VAV2: variants seen among roughly 807,000 people sequenced by gnomAD.
The protein encoded by VAV2 is guanine nucleotide exchange factor VAV2.
In VAV2, 67 loss-of-function variants were observed where a neutral mutation model predicts 132.5. That is an observed-to-expected ratio of 0.51 (90% CI 0.42 to 0.62). The LOEUF is 0.62. Ranked by LOEUF, VAV2 falls within the 20% of genes least tolerant of loss-of-function variation. The probability of loss-of-function intolerance (pLI) is 0.00; values close to 1 mark genes in which losing one functional copy is unlikely to be tolerated. For synonymous variants in VAV2, 492 were observed against 443.5 expected (o/e 1.11, Z -1.37); for missense variants, 938 against 1,153.6 (o/e 0.81, Z 2.71).
intron 2 of VAV2, among the ~76,000 whole-genome samples, chr9:133,921,890 T>C (rs1840308726): frequency 6.6e-6 from 1 of 152,228 alleles, no homozygotes; most frequent in Non-Finnish European, 1.5e-5. Flanking sequence ...GCGAGTGTGG[T>C]TCTGATCGTG....
At chr9:133,828,717 T>G (rs1205401462) in intron 4 of VAV2, among the ~76,000 whole-genome samples, 1 of 152,208 alleles carries the variant, frequency 6.6e-6, no homozygotes, top group Non-Finnish European at 1.5e-5. Flanking sequence ...CTTCCACAAT[T>G]CTGATTCGTT....
Position 133,961,826 on chromosome 9 carries a change from G to A in VAV2, c.205-22607C>T, listed in dbSNP as rs1187111405. On this transcript the variant is annotated intron_variant, in intron 1 of 29. Transcript: ENST00000371850. This position sits in a 1 kb window ranked among gnomAD's most constrained non-coding sequence, Gnocchi z 4.1. ...GCCCACAGGAGCAGAGTGGCCCCTC[G>A]TTCTGGTGGCCACGCAGGCCTAGGC... Among the ~76,000 whole-genome samples, 1 of 152,112 alleles carries A rather than the reference G, an allele frequency of 6.6e-6. No homozygotes were observed. The highest frequency in any genetic ancestry group is 2.4e-5 in the African/African-American group (1 of 41,406).
intron 2 of VAV2, among the ~76,000 whole-genome samples, chr9:133,874,686 C>G (rs989885729): frequency 1.3e-5 from 2 of 152,268 alleles, no homozygotes; most frequent in East Asian, 3.9e-4. Flanking sequence ...TGTCTTGCCC[C>G]CTCCAAGAAC....
intron 29 of VAV2, among the ~76,000 whole-genome samples, chr9:133,766,759 A>AATATATAC (rs1554767607): frequency 8.9e-6 from 1 of 112,110 alleles, no homozygotes; most frequent in Non-Finnish European, 1.8e-5. Flanking sequence ...AGTATAAATA[A>AATATATAC]ATATATATAT....
rs756495950 is a variant in VAV2 at position 133,809,004 on chromosome 9, C to T, written c.666+36G>A. 7.5e-6 allele frequency: 12 copies of T among 1,594,148 alleles called. No individual in the cohort carries two copies. The African/African-American group carries it at 8.1e-5, about 11-fold the overall frequency. ...GTGGCCCTGCAGTGACCACAGTGGC[C>T]GCTGCCATTTTCCAGTGGCCGCCAT... On this transcript the variant is annotated intron_variant, in intron 7 of 29. Coordinates refer to ENST00000371850, the MANE Select transcript of VAV2 (RefSeq NM_001134398.2).
chr9:133,866,552 C>T (rs1343079656), intron 2 of VAV2, among the ~76,000 whole-genome samples: 1 of 152,000 alleles, frequency 6.6e-6, no homozygotes, highest in Non-Finnish European at 1.5e-5. Context: ...GCCTGTAATC[C>T]CAGCACTTTG....
chr9:133,848,665 C>A (rs1278641199), intron 3 of VAV2, among the ~76,000 whole-genome samples: 1 of 152,150 alleles, frequency 6.6e-6, no homozygotes, highest in African/African-American at 2.4e-5. Flanking sequence ...CAGGCACGGG[C>A]CCCTGGGAAC....
intron 4 of VAV2, among the ~76,000 whole-genome samples, chr9:133,827,178 C>T (rs115844954): frequency 0.042 from 6,066 of 144,598 alleles, 255 homozygotes; most frequent in African/African-American, 0.15. Flanking sequence ...CCTACCGCTG[C>T]GCCCACTGGG....
chr9:133,952,602 C>CG (rs375054619), intron 1 of VAV2, among the ~76,000 whole-genome samples: 12 of 125,278 alleles, frequency 9.6e-5, no homozygotes, highest in Non-Finnish European at 1.8e-4. Context: ...GACTCTGTCT[C>CG]GGGGAAAAAA....
At position 133,919,693 on chromosome 9, in the gene VAV2, C is replaced by T. The variant is rs567300984; in HGVS notation, c.321+19410G>A. On this transcript the variant is annotated intron_variant, in intron 2 of 29. Transcript: ENST00000371850. The surrounding 1 kb of genome is among the most constrained non-coding windows in gnomAD (Gnocchi z 5.8). Reference sequence around the variant, plus strand: ...GTCTCAGATCAGAGAGGAATGTAAGCCGGAAACAGCGCAGAGAGTGGGGCC... The same window carrying T: ...GTCTCAGATCAGAGAGGAATGTAAGTCGGAAACAGCGCAGAGAGTGGGGCC... Among the ~76,000 whole-genome samples the T allele has an allele frequency of 1.3e-5, 2 of 152,288 alleles. No homozygotes were observed. Among genetic ancestry groups the T allele is most frequent in the East Asian group, 3.9e-4 (2 of 5,182 alleles).
chr9:133,865,220 GC>G (rs1489118286), intron 2 of VAV2, among the ~76,000 whole-genome samples: 2 of 152,264 alleles, frequency 1.3e-5, no homozygotes, highest in East Asian at 3.9e-4. Context: ...TCAAGACAGG[GC>G]CAGGAAGAAA....
At chr9:133,900,190 C>T (rs1183290708) in intron 2 of VAV2, among the ~76,000 whole-genome samples, 1 of 149,062 alleles carries the variant, frequency 6.7e-6, no homozygotes, top group Non-Finnish European at 1.5e-5. Flanking sequence ...CAGAGTAAGA[C>T]CCTGTCTCAA....
chr9:133,812,109 C>A lies in VAV2; in HGVS notation c.552+5G>T. On this transcript the variant is annotated splice_donor_5th_base_variant and intron_variant, in intron 5 of 29. Coordinates refer to ENST00000371850, the MANE Select transcript of VAV2 (RefSeq NM_001134398.2). The stretch of plus-strand genomic sequence containing the variant: ...GAAGGGAGGGAGGAGCGGGGCAGGG[C>A]TCACCATGGGCTGCTGCACCTCCAC... 3 of 1,613,678 alleles carry A rather than the reference C, an allele frequency of 1.9e-6. No individual in the cohort carries two copies. The highest frequency in any genetic ancestry group is 2.5e-6 in the Non-Finnish European group (3 of 1,179,854).
rs1554819007 is a variant in VAV2 at position 133,964,031 on chromosome 9, A to ATG, written c.205-24813_205-24812insCA. On this transcript the variant is annotated intron_variant, in intron 1 of 29. Coordinates refer to ENST00000371850, the MANE Select transcript of VAV2 (RefSeq NM_001134398.2). ...AAAAAAATTATTCATTCATATATAT[A>ATG]TATATATATATATATATACATATAT... is the stretch of plus-strand genomic sequence containing the variant. Among the ~76,000 whole-genome samples, 515 of 94,988 alleles carry ATG rather than the reference A, an allele frequency of 5.4e-3. 19 individuals are homozygous for ATG. Among genetic ancestry groups the ATG allele is most frequent in the Middle Eastern group, 0.043 (9 of 208 alleles). The allele number at this position is 94,988 out of a possible 152,430, so 62.3% of individuals were successfully genotyped here.
chr9:133,922,224 C>A (rs1840322241), intron 2 of VAV2, among the ~76,000 whole-genome samples: 1 of 152,240 alleles, frequency 6.6e-6, no homozygotes, highest in Non-Finnish European at 1.5e-5. Context: ...CCCTGCCCTG[C>A]AGAAGTCCTC....
intron 3 of VAV2, among the ~76,000 whole-genome samples, chr9:133,845,567 T>C (rs916330410): frequency 2.0e-5 from 3 of 152,158 alleles, no homozygotes; most frequent in African/African-American, 7.2e-5. Flanking sequence ...TGCCGACTTG[T>C]CTGCTGGGAA....
intron 2 of VAV2, among the ~76,000 whole-genome samples, chr9:133,874,217 T>C (rs1383990541): frequency 6.6e-6 from 1 of 152,186 alleles, no homozygotes. Context: ...GCCTGCAGCC[T>C]GCAAGGCCAG....
intron 16 of VAV2, among the ~76,000 whole-genome samples, 154 bp downstream of exon 16, chr9:133,787,092 T>C (rs1440828701): frequency 4.6e-5 from 7 of 152,138 alleles, no homozygotes; most frequent in Non-Finnish European, 2.9e-5. Context: ...ATACAAATCA[T>C]TTCATCATCG....
chr9:133,919,093 T>C lies in VAV2; in HGVS notation c.321+20010A>G, dbSNP rs1274998932. Among the ~76,000 whole-genome samples, 1 of 152,034 alleles carries C rather than the reference T, an allele frequency of 6.6e-6. No homozygotes were observed. The highest frequency in any genetic ancestry group is 6.6e-5 in the Admixed American group (1 of 15,258). On this transcript the variant is annotated intron_variant, in intron 2 of 29. Transcript: ENST00000371850. The surrounding 1 kb of genome is among the most constrained non-coding windows in gnomAD (Gnocchi z 5.8). Reference sequence around the variant, plus strand: ...CGGCCGCCACCATGTTTTTAAAGACTTCCCCACATCCCATCCTCACACTTT... The same window carrying C: ...CGGCCGCCACCATGTTTTTAAAGACCTCCCCACATCCCATCCTCACACTTT...
Sources: allele counts gnomAD v4.1 joint callset (sites outside exome capture counted in the v4.1 genomes callset), GRCh38; gene constraint gnomAD v4.1.1; non-coding constraint Gnocchi (gnomAD v3.1); transcripts MANE v1.5; gene names NCBI Gene and HGNC (gene_info 2026-07-23, HGNC 2026-07-21).